Variants in ZSCAN30 observed in about 807,000 individuals in gnomAD.
ZSCAN30 encodes the protein zinc finger and SCAN domain containing 30.
Under a neutral mutation model 44.3 loss-of-function variants are expected in ZSCAN30, and 37 were observed. The ratio of observed to expected loss-of-function variants is 0.84; its 90% CI spans 0.64 to 1.10. ZSCAN30 has a LOEUF of 1.10. Ranked by LOEUF, ZSCAN30 falls within the 50% of genes least tolerant of loss-of-function variation. The pLI, the probability that ZSCAN30 is intolerant of heterozygous loss-of-function variation, is 0.00. For missense variants in ZSCAN30, 549 were observed against 582.6 expected, an observed-to-expected ratio of 0.94 and a Z score of 0.59; for synonymous variants, 181 against 204.6, an observed-to-expected ratio of 0.88 and a Z score of 0.98.
chr18:35,264,480 A>G (rs1242774951), intron 1 of ZSCAN30, 25 bp from the exon 2 acceptor site: 1 of 933,468 alleles, frequency 1.1e-6, no homozygotes, highest in African/African-American at 1.7e-5. Flanking sequence ...TGCTCATGTT[A>G]CACAGGGAAA....
intron 2 of ZSCAN30, 54 bp from the exon 3 acceptor site, chr18:35,263,711 C>T: frequency 6.3e-7 from 1 of 1,595,752 alleles, no homozygotes; most frequent in Non-Finnish European, 8.6e-7. Context: ...AAGCAGAAAA[C>T]TCCTAGAGCA....
At chr18:35,257,588 C>A in intron 3 of ZSCAN30, 1 of 295,150 alleles carries the variant, frequency 3.4e-6, no homozygotes. Context: ...AACTTCTCAG[C>A]CTCCAGAACT....
chr18:35,264,605 G>T (rs534753024), intron 1 of ZSCAN30, 150 bp from the exon 2 acceptor site: 13 of 467,126 alleles, frequency 2.8e-5, no homozygotes, highest in African/African-American at 2.5e-4. Context: ...ATTTATAGAT[G>T]ACTCAGGATT....
intron 3 of ZSCAN30, among the ~76,000 whole-genome samples, chr18:35,256,480 GA>G (rs1157865819): frequency 1.3e-5 from 2 of 151,896 alleles, no homozygotes; most frequent in African/African-American, 4.8e-5. Flanking sequence ...AGAATCACTT[GA>G]ACCAGGGACG....
At chr18:35,278,577 A>C (rs1205700976) in intron 1 of ZSCAN30, among the ~76,000 whole-genome samples, 1 of 152,166 alleles carries the variant, frequency 6.6e-6, no homozygotes, top group African/African-American at 2.4e-5. Flanking sequence ...TAATCGCTTC[A>C]CCAAAACGTT....
At chr18:35,263,037 G>T in intron 3 of ZSCAN30, 1 of 189,720 alleles carries the variant, frequency 5.3e-6, no homozygotes, top group Non-Finnish European at 1.1e-5. Flanking sequence ...GGACTGTCTT[G>T]CCAATGAAGC....
rs537399825 is a variant in ZSCAN30 at position 35,267,789 on chromosome 18, T to C, written c.-103-3334A>G. The C allele has an allele frequency of 3.1e-4, 47 of 152,178 alleles. No individual in the cohort carries two copies. The East Asian group carries it at 8.9e-3, about 29-fold the overall frequency. 9.4% of individuals were successfully genotyped at this position (152,178 alleles called of 1,614,324 possible). ...TATTCAAACATATTTTTCCTCGTTATGTCGCGGGCTGGTATACCATCGAGA... is the reference window on the plus strand; with the variant it reads ...TATTCAAACATATTTTTCCTCGTTACGTCGCGGGCTGGTATACCATCGAGA... On this transcript the variant is annotated intron_variant, in intron 1 of 3. Coordinates refer to ENST00000333206, the MANE Select transcript of ZSCAN30 (RefSeq NM_001112734.4).
At chr18:35,285,860 G>C (rs191968308) in intron 1 of ZSCAN30, among the ~76,000 whole-genome samples, 3 of 151,746 alleles carry the variant, frequency 2.0e-5, no homozygotes, top group Admixed American at 6.6e-5. Flanking sequence ...ATAAGGAACA[G>C]AGTGGACATT....
chr18:35,277,026 A>G (rs1440287649), intron 1 of ZSCAN30, among the ~76,000 whole-genome samples: 1 of 152,214 alleles, frequency 6.6e-6, no homozygotes, highest in Non-Finnish European at 1.5e-5. Context: ...TGGATGTGAG[A>G]CATGAAGTCA....
At chr18:35,275,381 A>T (rs1275041652) in intron 1 of ZSCAN30, among the ~76,000 whole-genome samples, 1 of 152,164 alleles carries the variant, frequency 6.6e-6, no homozygotes, top group Non-Finnish European at 1.5e-5. Context: ...TAGTAAGCTC[A>T]CCTTTGCACG....
chr18:35,258,869 CAAAAAAAAAAAAAAAAA>C (rs71166053), intron 3 of ZSCAN30: 15 of 30,646 alleles, frequency 4.9e-4, no homozygotes, highest in Middle Eastern at 0.014. Flanking sequence ...GACTCCATCT[CAAAAAAAAAAAAAAAAA>C]AAAAAAAAAA....
chr18:35,256,171 G>A (rs190084225), intron 3 of ZSCAN30: 2 of 152,538 alleles, frequency 1.3e-5, no homozygotes, highest in East Asian at 3.9e-4. Flanking sequence ...AAGACATCAA[G>A]ATTTTTATTT....
intron 1 of ZSCAN30, among the ~76,000 whole-genome samples, chr18:35,279,325 C>A (rs1008651588): frequency 5.9e-5 from 9 of 152,164 alleles, no homozygotes; most frequent in African/African-American, 2.2e-4. Context: ...TGCTGGCAAT[C>A]ATTTGCATTC....
At chr18:35,274,057 T>C (rs184563806) in intron 1 of ZSCAN30, among the ~76,000 whole-genome samples, 2 of 152,078 alleles carry the variant, frequency 1.3e-5, no homozygotes, top group Admixed American at 1.3e-4. Context: ...TTGCTGTTGC[T>C]CAGGCTGGAG....
chr18:35,289,126 C>G lies in ZSCAN30; in HGVS notation c.-104+958G>C, dbSNP rs537548042. On this transcript the variant is annotated intron_variant, in intron 1 of 3. Transcript: ENST00000333206. ...AAGTAGCTGGGATTAAAGGCGCACA[C>G]CACCATGCCCAGCTAATTTTTGTAT... Among the ~76,000 whole-genome samples the G allele has an allele frequency of 5.3e-5, 8 of 152,138 alleles. No homozygotes were observed. In the East Asian group the frequency reaches 1.5e-3, roughly 29 times the overall value.
Position 35,252,085 on chromosome 18 carries a change from T to C in ZSCAN30, c.*1365A>G, listed in dbSNP as rs959745557. ...TGGAGACAGCCCATCATCAGGACTC[T>C]TCTCTCCAGCAGGAATTAGTTGTCA... On this transcript the variant is annotated 3_prime_UTR_variant, in exon 4 of 4. Coordinates refer to ENST00000333206, the MANE Select transcript of ZSCAN30 (RefSeq NM_001112734.4). 5.9e-5 allele frequency: 9 copies of C among 152,292 alleles called. No homozygotes were observed. Among genetic ancestry groups the C allele is most frequent in the African/African-American group, 2.2e-4 (9 of 41,546 alleles). The allele number at this position is 152,292 out of a possible 1,614,324, so 9.4% of individuals were successfully genotyped here. A position where few individuals can be genotyped will look rare whatever the true frequency, so the allele number is the denominator to read the frequency against.
At chr18:35,276,634 G>A (rs1200008132) in intron 1 of ZSCAN30, among the ~76,000 whole-genome samples, 2 of 152,258 alleles carry the variant, frequency 1.3e-5, no homozygotes, top group East Asian at 3.8e-4. Context: ...ACACACAGAA[G>A]TTAAGAATTG....
At chr18:35,289,540 G>A (rs987836135) in intron 1 of ZSCAN30, 1 of 152,010 alleles carries the variant, frequency 6.6e-6, no homozygotes, top group African/African-American at 2.4e-5. Flanking sequence ...GGTCTCAACA[G>A]AAATGAGGTC....
chr18:35,273,598 C>G (rs889600719), intron 1 of ZSCAN30, among the ~76,000 whole-genome samples: 7 of 152,234 alleles, frequency 4.6e-5, no homozygotes, highest in African/African-American at 1.4e-4. Flanking sequence ...TTCCCAGTAT[C>G]ATTTCATGAA....
Sources: allele counts gnomAD v4.1 joint callset (sites outside exome capture counted in the v4.1 genomes callset), GRCh38; gene constraint gnomAD v4.1.1; transcripts MANE v1.5; gene names NCBI Gene and HGNC (gene_info 2026-07-23, HGNC 2026-07-21).